The following CCSER1 variants were observed in gnomAD, a reference collection of about 807,000 sequenced individuals.
The protein encoded by CCSER1 is coiled-coil serine rich protein 1.
A neutral mutation model predicts 82.0 loss-of-function variants in CCSER1; 41 were observed. The ratio of observed to expected loss-of-function variants is 0.50; its 90% CI spans 0.39 to 0.65. CCSER1 has a LOEUF of 0.65. Ranked by LOEUF, CCSER1 falls within the 30% of genes least tolerant of loss-of-function variation. The probability of loss-of-function intolerance (pLI) is 0.00; values close to 1 mark genes in which losing one functional copy is unlikely to be tolerated. For missense variants in CCSER1, 1,119 were observed against 1,064.2 expected (o/e 1.05, Z -0.72); for synonymous variants, 414 against 383.9 (o/e 1.08, Z -0.92).
At chr4:91,516,899 C>G (rs998179912) in intron 10 of CCSER1, among the ~76,000 whole-genome samples, 5 of 152,032 alleles carry the variant, frequency 3.3e-5, no homozygotes, top group Non-Finnish European at 7.4e-5. Context: ...TTTTGTAATT[C>G]TCATTGCAGA....
chr4:90,505,954 C>G (rs751464462), intron 5 of CCSER1, among the ~76,000 whole-genome samples: 9 of 152,298 alleles, frequency 5.9e-5, no homozygotes, highest in Middle Eastern at 3.4e-3. Context: ...TTCTCCCCCT[C>G]TCTCCTTCCA....
intron 5 of CCSER1, among the ~76,000 whole-genome samples, chr4:90,493,201 A>G (rs1432707408): frequency 6.6e-6 from 1 of 152,198 alleles, no homozygotes; most frequent in Non-Finnish European, 1.5e-5. Flanking sequence ...AAGTGAGAAG[A>G]CAAGTTTAGA....
chr4:91,480,314 C>T, intron 10 of CCSER1, among the ~76,000 whole-genome samples: 1 of 152,212 alleles, frequency 6.6e-6, no homozygotes, highest in East Asian at 1.9e-4. Flanking sequence ...TAAGGAATCA[C>T]CACACTGACT....
chr4:90,562,163 C>T (rs1323333609), intron 5 of CCSER1, among the ~76,000 whole-genome samples: 1 of 143,572 alleles, frequency 7.0e-6, no homozygotes, highest in African/African-American at 2.7e-5. Context: ...GCACTCCAGC[C>T]TGGGCAACAA....
chr4:90,559,714 G>A (rs1428330587), intron 5 of CCSER1, among the ~76,000 whole-genome samples: 2 of 150,602 alleles, frequency 1.3e-5, no homozygotes, highest in Non-Finnish European at 2.9e-5. Flanking sequence ...GGAGACTGAG[G>A]CAGGAGAATG....
intron 1 of CCSER1, among the ~76,000 whole-genome samples, chr4:90,179,099 T>C (rs1301683375): frequency 6.6e-6 from 1 of 152,200 alleles, no homozygotes; most frequent in African/African-American, 2.4e-5. Context: ...TAGTTTTATA[T>C]AGCTGTTGCT....
chr4:91,226,487 C>T (rs1738214688), intron 10 of CCSER1, among the ~76,000 whole-genome samples: 1 of 151,732 alleles, frequency 6.6e-6, no homozygotes, highest in African/African-American at 2.4e-5. Flanking sequence ...ACAAATAGGG[C>T]AGAATTTTAT....
Position 91,384,765 on chromosome 4 carries a change from A to C in CCSER1, c.2218-213807A>C, listed in dbSNP as rs540434643. Among the ~76,000 whole-genome samples, 15 of 152,228 alleles carry C rather than the reference A, an allele frequency of 9.9e-5. No individual in the cohort carries two copies. In the South Asian group the frequency reaches 3.1e-3, roughly 32 times the overall value. On this transcript the variant is annotated intron_variant, in intron 10 of 10. Coordinates refer to ENST00000509176, the MANE Select transcript of CCSER1 (RefSeq NM_001145065.2). ...TCATGACAAAGTGCACCGTAGGCAA[A>C]GTCAAAGGACAAATAAAAATTTAGA...
At chr4:90,317,731 T>TG (rs1381425496) in intron 3 of CCSER1, among the ~76,000 whole-genome samples, 1 of 152,236 alleles carries the variant, frequency 6.6e-6, no homozygotes, top group Non-Finnish European at 1.5e-5. Context: ...TGGAAGGCAT[T>TG]GGGGTTCTGT....
intron 10 of CCSER1, among the ~76,000 whole-genome samples, chr4:91,578,408 G>A (rs1408769527): frequency 6.6e-6 from 1 of 151,804 alleles, no homozygotes; most frequent in African/African-American, 2.4e-5. Flanking sequence ...CTTAATAAAT[G>A]TATCAGATTG....
chr4:90,342,609 T>A (rs115616748), intron 3 of CCSER1, among the ~76,000 whole-genome samples: 165 of 152,318 alleles, frequency 1.1e-3, no homozygotes, highest in Middle Eastern at 6.8e-3. Context: ...AGAATCTTGT[T>A]TGCAAGTGAA....
chr4:90,313,036 A>G lies in CCSER1; in HGVS notation c.1498A>G (p.Met500Val), dbSNP rs1008476202. 3.8e-6 allele frequency: 6 copies of G among 1,599,784 alleles called. No homozygotes were observed. The highest frequency in any genetic ancestry group is 4.3e-6 in the Non-Finnish European group (5 of 1,171,960). The change falls in exon 3 of 11, where the codon ATG (methionine) becomes GTG (valine). Residue 500 changes from methionine to valine, a missense_variant. By Grantham distance (21) the Met-to-Val change is conservative (BLOSUM62 1). Transcript: ENST00000509176. ...AAGAGCAGGTTCTTCATCTTCAAAAATGAACAGTTTGGTAAGTATATACAT... is the reference window on the plus strand; with the variant it reads ...AAGAGCAGGTTCTTCATCTTCAAAAGTGAACAGTTTGGTAAGTATATACAT... Reference protein sequence around the residue: ...KQRAGSSSSKMNSLDVLNNLG... With the variant: ...KQRAGSSSSKVNSLDVLNNLG...
At chr4:90,559,242 A>G (rs1778451468) in intron 5 of CCSER1, among the ~76,000 whole-genome samples, 1 of 152,096 alleles carries the variant, frequency 6.6e-6, no homozygotes, top group South Asian at 2.1e-4. Flanking sequence ...ATTGCTCCCT[A>G]CTTTTTTTAT....
chr4:90,875,055 AAAC>A (rs201127082), intron 8 of CCSER1, among the ~76,000 whole-genome samples: 1,724 of 152,200 alleles, frequency 0.011, 16 homozygotes, highest in African/African-American at 0.032. Context: ...CAAAAAACAA[AAAC>A]AACAACAACA....
intron 7 of CCSER1, among the ~76,000 whole-genome samples, chr4:90,740,350 G>A (rs1746337608): frequency 6.6e-6 from 1 of 152,064 alleles, no homozygotes. Flanking sequence ...CAGCATTACT[G>A]ATGGATGATG....
At chr4:91,143,508 G>A (rs28801447) in intron 10 of CCSER1, among the ~76,000 whole-genome samples, 109,372 of 151,836 alleles carry the variant, frequency 0.72, 39,738 homozygotes, top group Non-Finnish European at 0.78. Flanking sequence ...AGGACTTCCA[G>A]TACTATGTTG....
chr4:91,544,151 A>T (rs1268555833), intron 10 of CCSER1, among the ~76,000 whole-genome samples: 1 of 152,100 alleles, frequency 6.6e-6, no homozygotes. Flanking sequence ...TTTCAGCTCC[A>T]TCAGGTCATT....
intron 10 of CCSER1, among the ~76,000 whole-genome samples, chr4:91,161,778 A>G (rs1242996371): frequency 6.6e-6 from 1 of 152,088 alleles, no homozygotes; most frequent in Non-Finnish European, 1.5e-5. Context: ...AATAAGCAAC[A>G]TGAAGCAATA....
At chr4:90,501,931 G>A (rs1012648278) in intron 5 of CCSER1, among the ~76,000 whole-genome samples, 1 of 152,104 alleles carries the variant, frequency 6.6e-6, no homozygotes, top group Non-Finnish European at 1.5e-5. Flanking sequence ...CATAATTGCT[G>A]ATAGGACTAA....
Sources: gnomAD v4.1 joint callset for allele counts (sites outside exome capture counted in the v4.1 genomes callset) on GRCh38, gnomAD v4.1.1 for gene constraint, MANE v1.5 for transcripts, NCBI Gene and HGNC (gene_info 2026-07-23, HGNC 2026-07-21) for gene names.